The following CSMD2 variants were observed in gnomAD, a reference collection of about 807,000 sequenced individuals.
CSMD2 encodes CUB and Sushi multiple domains 2.
Under a neutral mutation model 398.5 loss-of-function variants are expected in CSMD2, and 130 were observed. The observed-to-expected ratio is 0.33, with a 90% CI of 0.28 to 0.38. The LOEUF (loss-of-function observed/expected upper bound fraction) is 0.38. Ranked by LOEUF, CSMD2 falls within the 10% of genes least tolerant of loss-of-function variation. The probability of loss-of-function intolerance (pLI) is 1.00; values close to 1 mark genes in which losing one functional copy is unlikely to be tolerated. For missense variants in CSMD2, 3,829 were observed against 4,764.9 expected (o/e 0.80, Z 5.78); for synonymous variants, 1,828 against 1,908.5 (o/e 0.96, Z 1.10).
At chr1:33,963,179 G>A (rs1645429050) in intron 3 of CSMD2, among the ~76,000 whole-genome samples, 1 of 152,134 alleles carries the variant, frequency 6.6e-6, no homozygotes, top group African/African-American at 2.4e-5. Context: ...AGCCCCTTAT[G>A]GGGCCCCTCA....
At chr1:33,735,692 A>T (rs1646862919) in intron 15 of CSMD2, among the ~76,000 whole-genome samples, 1 of 152,222 alleles carries the variant, frequency 6.6e-6, no homozygotes, top group Non-Finnish European at 1.5e-5. Flanking sequence ...TAAATTTAGG[A>T]GAAGCCATCG....
chr1:33,580,197 CAACCACAGACAGT>C (rs777111580), intron 48 of CSMD2, among the ~76,000 whole-genome samples: 52 of 152,212 alleles, frequency 3.4e-4, no homozygotes, highest in Admixed American at 6.5e-4. Context: ...AGTTTTCTTC[CAACCACAGACAGT>C]AATCCCCATG....
In CSMD2 at chr1:33,754,181, T is replaced by C. The variant is rs115546414; in HGVS notation, c.1847-10575A>G. On this transcript the variant is annotated intron_variant, in intron 13 of 70. Transcript: ENST00000373381. ...CTCCGAATAGCACATTGAAATGTAA[T>C]CCTTAATGTTGGACATGGGGCCTGG... Among the ~76,000 whole-genome samples the C allele has an allele frequency of 5.8e-3, 882 of 152,288 alleles. 1 individual carries two copies. The highest frequency in any genetic ancestry group is 9.8e-3 in the Non-Finnish European group (667 of 68,030).
intron 64 of CSMD2, among the ~76,000 whole-genome samples, chr1:33,532,438 T>G (rs1290750904): frequency 2.0e-5 from 3 of 152,188 alleles, no homozygotes; most frequent in African/African-American, 4.8e-5. Flanking sequence ...AGACATCACC[T>G]TCTCCAGGAA....
chr1:33,534,019 ACT>A, intron 62 of CSMD2, 112 bp from the exon 63 acceptor site: 1 of 635,802 alleles, frequency 1.6e-6, no homozygotes, highest in Non-Finnish European at 2.8e-6. Context: ...TGCCTGCAAA[ACT>A]CTTTTTCTGA....
At chr1:34,082,557 A>C (rs1298082086) in intron 2 of CSMD2, among the ~76,000 whole-genome samples, 2 of 151,406 alleles carry the variant, frequency 1.3e-5, no homozygotes, top group African/African-American at 4.9e-5. Context: ...CCCGTCCACC[A>C]CCCCGTCTGG....
At chr1:34,073,714 A>G (rs1655993924) in intron 2 of CSMD2, among the ~76,000 whole-genome samples, 1 of 152,258 alleles carries the variant, frequency 6.6e-6, no homozygotes, top group South Asian at 2.1e-4. Flanking sequence ...GCATTTTGGT[A>G]TAGTGGGGGA....
intron 6 of CSMD2, among the ~76,000 whole-genome samples, chr1:33,830,854 C>T (rs1317607667): frequency 1.3e-5 from 2 of 152,062 alleles, no homozygotes; most frequent in Middle Eastern, 6.4e-3. Flanking sequence ...TCGAGAACTA[C>T]GTGAAGAGTG....
chr1:33,585,867 T>C (rs1423135193), intron 46 of CSMD2, among the ~76,000 whole-genome samples: 2 of 152,240 alleles, frequency 1.3e-5, no homozygotes, highest in African/African-American at 4.8e-5. Flanking sequence ...CAGGCATCAT[T>C]CTAAACTGGT....
chr1:34,091,759 C>T (rs183099646), intron 1 of CSMD2, among the ~76,000 whole-genome samples: 15 of 152,216 alleles, frequency 9.9e-5, no homozygotes, highest in African/African-American at 3.4e-4. Context: ...AAGAATATTT[C>T]CTTACTATGA....
chr1:34,121,766 T>C (rs1222186414), intron 1 of CSMD2, among the ~76,000 whole-genome samples: 1 of 152,116 alleles, frequency 6.6e-6, no homozygotes, highest in Non-Finnish European at 1.5e-5. Context: ...GAACCAGCAC[T>C]CCAGGGGCTC....
chr1:33,739,104 G>A (rs1557818474), intron 15 of CSMD2, 36 bp downstream of exon 15: 2 of 1,588,278 alleles, frequency 1.3e-6, no homozygotes, highest in Non-Finnish European at 1.7e-6. Flanking sequence ...CTCTCTGGCT[G>A]ACAATGGCCA....
rs1275716978 is a variant in CSMD2 at position 34,164,070 on chromosome 1, C to T, written c.187+841G>A. On this transcript the variant is annotated intron_variant, in intron 1 of 70. Coordinates refer to ENST00000373381, the MANE Select transcript of CSMD2 (RefSeq NM_001281956.2). The surrounding 1 kb of genome is among the most constrained non-coding windows in gnomAD (Gnocchi z 6.2). ...GAGCTGGTCCCGCCGCCCGCGCCGC[C>T]GCTGCCGCTGCCGCAGCCGAGGCGC... is the stretch of plus-strand genomic sequence containing the variant. 6.6e-6 allele frequency among the ~76,000 whole-genome samples: 1 copy of T among 152,152 alleles called. No homozygotes were observed. Among genetic ancestry groups the T allele is most frequent in the Non-Finnish European group, 1.5e-5 (1 of 68,016 alleles).
At chr1:33,859,921 C>T (rs929999579) in intron 5 of CSMD2, among the ~76,000 whole-genome samples, 3 of 152,034 alleles carry the variant, frequency 2.0e-5, no homozygotes, top group Non-Finnish European at 4.4e-5. Flanking sequence ...GTGTCTTTAC[C>T]CTGGCTGCAC....
intron 24 of CSMD2, among the ~76,000 whole-genome samples, chr1:33,698,266 A>G (rs1645488761): frequency 6.6e-6 from 1 of 152,192 alleles, no homozygotes; most frequent in South Asian, 2.1e-4. Flanking sequence ...AGTGAGAGCA[A>G]TGGGTGTTCT....
chr1:33,623,562 T>C, intron 35 of CSMD2, 96 bp from the exon 36 acceptor site: 1 of 858,210 alleles, frequency 1.2e-6, no homozygotes, highest in Non-Finnish European at 2.0e-6. Flanking sequence ...TTAATTCAAT[T>C]TGTTGAGAAT....
intron 1 of CSMD2, among the ~76,000 whole-genome samples, chr1:34,103,008 G>A (rs769098812): frequency 1.3e-4 from 20 of 152,110 alleles, no homozygotes; most frequent in Non-Finnish European, 2.6e-4. Context: ...CCTGAACCTG[G>A]TACATAATAG....
At chr1:33,919,253 A>C (rs1054628294) in intron 4 of CSMD2, among the ~76,000 whole-genome samples, 2 of 152,198 alleles carry the variant, frequency 1.3e-5, no homozygotes, top group Non-Finnish European at 2.9e-5. Context: ...GATGGATGAA[A>C]GGTGCTATTT....
chr1:33,772,494 C>G (rs1340807714), intron 13 of CSMD2, 75 bp downstream of exon 13: 3 of 1,413,502 alleles, frequency 2.1e-6, no homozygotes, highest in African/African-American at 2.8e-5. Flanking sequence ...AGGGACGGGG[C>G]CCCTGGATTA....
Sources: gnomAD v4.1 joint callset for allele counts (sites outside exome capture counted in the v4.1 genomes callset) on GRCh38, gnomAD v4.1.1 for gene constraint, Gnocchi (gnomAD v3.1) non-coding constraint, MANE v1.5 for transcripts, NCBI Gene and HGNC (gene_info 2026-07-23, HGNC 2026-07-21) for gene names.